PLCXD3: variants seen among roughly 807,000 people sequenced by gnomAD.
The protein encoded by PLCXD3 is phosphatidylinositol specific phospholipase C X domain containing 3.
PLCXD3 carries 19 observed loss-of-function variants against 25.5 expected under a neutral mutation model. That is an observed-to-expected ratio of 0.75 (90% CI 0.52 to 1.09). The LOEUF (loss-of-function observed/expected upper bound fraction) is 1.09, where lower values mean the gene tolerates loss of function less well. Ranked by LOEUF, PLCXD3 falls within the 50% of genes least tolerant of loss-of-function variation. The pLI is 0.00. For missense variants in PLCXD3, 411 were observed against 388.1 expected (o/e 1.06, Z -0.50); for synonymous variants, 174 against 137.6 (o/e 1.26, Z -1.85).
chr5:41,494,097 T>C (rs1050965525), intron 1 of PLCXD3, among the ~76,000 whole-genome samples: 13 of 152,204 alleles, frequency 8.5e-5, no homozygotes, highest in African/African-American at 3.1e-4. Flanking sequence ...CCGGGTTTTA[T>C]TTTTTACTTA....
At chr5:41,339,150 A>G (rs1326974582) in intron 2 of PLCXD3, among the ~76,000 whole-genome samples, 10 of 152,062 alleles carry the variant, frequency 6.6e-5, no homozygotes, top group Non-Finnish European at 1.3e-4. Context: ...GCTAGCATAT[A>G]TATTCTTCTC....
At chr5:41,329,290 T>A (rs940082223) in intron 2 of PLCXD3, among the ~76,000 whole-genome samples, 1 of 152,192 alleles carries the variant, frequency 6.6e-6, no homozygotes, top group Non-Finnish European at 1.5e-5. Context: ...TAGTCAGAAT[T>A]GTAATCGTAT....
At chr5:41,334,827 T>A (rs1743934283) in intron 2 of PLCXD3, among the ~76,000 whole-genome samples, 1 of 152,126 alleles carries the variant, frequency 6.6e-6, no homozygotes, top group Non-Finnish European at 1.5e-5. Context: ...CAAGTCAGGG[T>A]TTCAAAATGA....
intron 2 of PLCXD3, among the ~76,000 whole-genome samples, chr5:41,376,452 A>G (rs1350335155): frequency 6.6e-6 from 1 of 152,088 alleles, no homozygotes; most frequent in African/African-American, 2.4e-5. Context: ...TTCCTAATAT[A>G]TGCCTAATTC....
chr5:41,349,307 G>A (rs1344037800), intron 2 of PLCXD3, among the ~76,000 whole-genome samples: 2 of 152,208 alleles, frequency 1.3e-5, no homozygotes, highest in Non-Finnish European at 2.9e-5. Context: ...GAAGCTATCA[G>A]AAGTTCAAAA....
chr5:41,498,560 G>A (rs1264468693), intron 1 of PLCXD3, among the ~76,000 whole-genome samples: 1 of 151,444 alleles, frequency 6.6e-6, no homozygotes, highest in Non-Finnish European at 1.5e-5. Flanking sequence ...AGAACCAGAT[G>A]GTTTAAAGGT....
intron 1 of PLCXD3, among the ~76,000 whole-genome samples, chr5:41,461,505 G>T (rs1418748651): frequency 6.6e-6 from 1 of 151,950 alleles, no homozygotes; most frequent in African/African-American, 2.4e-5. Context: ...CAAAACCATG[G>T]TGGTTTCCTT....
At chr5:41,339,264 C>T (rs1441458757) in intron 2 of PLCXD3, among the ~76,000 whole-genome samples, 1 of 151,962 alleles carries the variant, frequency 6.6e-6, no homozygotes, top group East Asian at 1.9e-4. Flanking sequence ...AAGAGTGATC[C>T]AAGGGTAGAT....
chr5:41,392,999 T>G (rs1337605058), intron 1 of PLCXD3, among the ~76,000 whole-genome samples: 1 of 152,148 alleles, frequency 6.6e-6, no homozygotes, highest in Non-Finnish European at 1.5e-5. Flanking sequence ...GAAGACAAGC[T>G]ACTTGAAAGT....
At chr5:41,493,987 C>T (rs770726264) in intron 1 of PLCXD3, among the ~76,000 whole-genome samples, 12 of 152,212 alleles carry the variant, frequency 7.9e-5, no homozygotes, top group Non-Finnish European at 1.3e-4. Context: ...AGATGAACCT[C>T]GTACCTCAGA....
intron 1 of PLCXD3, among the ~76,000 whole-genome samples, chr5:41,432,420 G>C (rs974970342): frequency 2.0e-5 from 3 of 152,052 alleles, no homozygotes; most frequent in African/African-American, 7.3e-5. Context: ...GCAGATAAAG[G>C]AAAGTAAGAA....
At chr5:41,385,574 T>G (rs1259909849) in intron 1 of PLCXD3, among the ~76,000 whole-genome samples, 1 of 152,082 alleles carries the variant, frequency 6.6e-6, no homozygotes, top group Non-Finnish European at 1.5e-5. Context: ...TCAGGCACTG[T>G]GGGAAGCACA....
rs1293489884 is a variant in PLCXD3, at chr5:41,465,361, T to A, written c.103+45063A>T. Among the ~76,000 whole-genome samples the A allele has an allele frequency of 1.0e-3, 134 of 133,002 alleles. 1 individual carries two copies. Among genetic ancestry groups the A allele is most frequent in the African/African-American group, 3.3e-3 (115 of 35,262 alleles). The allele number at this position is 133,002 out of a possible 152,430, so 87.3% of individuals were successfully genotyped here. A position where few individuals can be genotyped will look rare whatever the true frequency, so the allele number is the denominator to read the frequency against. On this transcript the variant is annotated intron_variant, in intron 1 of 2. Transcript: ENST00000377801. ...TCCCCACTAGTTCTTGTCTTTTTTT[T>A]TTTTTTTTTTTTTTTTTTTTTTTTT...
Position 41,382,317 on chromosome 5 carries a change from G to A in PLCXD3, c.321C>T (p.Asp107=), listed in dbSNP as rs752338054. 2 of 1,613,428 alleles carry A rather than the reference G, an allele frequency of 1.2e-6. No homozygotes were observed. Among genetic ancestry groups the A allele is most frequent in the African/African-American group, 1.3e-5 (1 of 74,854 alleles). The change falls in exon 2 of 3, where the codon GAC becomes GAT. Residue 107 remains aspartate, a synonymous_variant. Transcript: ENST00000377801. Reference sequence around the variant, plus strand: ...AACCATGAGCAAAATAGAGTTCATTGTCGGGGTCTCTGGGCTTGGTGGAAA... The same window carrying A: ...AACCATGAGCAAAATAGAGTTCATTATCGGGGTCTCTGGGCTTGGTGGAAA... ...LRISTKPRDP[D]NELYFAHGLF... is the part of the protein sequence containing the mutation.
chr5:41,448,871 C>G (rs1412061851), intron 1 of PLCXD3, among the ~76,000 whole-genome samples: 1 of 152,164 alleles, frequency 6.6e-6, no homozygotes, highest in Non-Finnish European at 1.5e-5. Context: ...TCTTCTTAAC[C>G]TTGGTCCAAT....
At chr5:41,403,140 T>C (rs1318675646) in intron 1 of PLCXD3, among the ~76,000 whole-genome samples, 1 of 152,006 alleles carries the variant, frequency 6.6e-6, no homozygotes, top group Non-Finnish European at 1.5e-5. Flanking sequence ...ACCTTCGGCC[T>C]AGTAGCTAGA....
intron 1 of PLCXD3, among the ~76,000 whole-genome samples, chr5:41,492,717 C>T (rs1312819919): frequency 1.3e-5 from 2 of 152,238 alleles, no homozygotes; most frequent in African/African-American, 4.8e-5. Context: ...TTCCAGTTGA[C>T]CGCATCAGCT....
At chr5:41,315,850 A>G (rs887194415) in intron 2 of PLCXD3, among the ~76,000 whole-genome samples, 3 of 152,228 alleles carry the variant, frequency 2.0e-5, no homozygotes, top group African/African-American at 4.8e-5. Flanking sequence ...CACAGGGAAT[A>G]TTTAAACCAG....
At position 41,440,249 on chromosome 5, in the gene PLCXD3, T is replaced by TTTTTTTTTTTTTTTG. The variant is rs751131624; in HGVS notation, c.104-57716_104-57715insCAAAAAAAAAAAAAA. 2.5e-3 allele frequency among the ~76,000 whole-genome samples: 252 copies of TTTTTTTTTTTTTTTG among 100,374 alleles called. 34 individuals are homozygous for TTTTTTTTTTTTTTTG. The highest frequency in any genetic ancestry group is 5.0e-3 in the Middle Eastern group (1 of 200). The allele number at this position is 100,374 out of a possible 152,430, so 65.8% of individuals were successfully genotyped here. A position where few individuals can be genotyped will look rare whatever the true frequency, so the allele number is the denominator to read the frequency against. On this transcript the variant is annotated intron_variant, in intron 1 of 2. Coordinates refer to ENST00000377801, the MANE Select transcript of PLCXD3 (RefSeq NM_001005473.3). ...TTTTTTTTTTTTTTTTTTTTTTTTT[T>TTTTTTTTTTTTTTTG]TTAGTCAGAGTCTCACTGTGTCACC...
Sources: gnomAD v4.1 joint callset for allele counts (sites outside exome capture counted in the v4.1 genomes callset) on GRCh38, gnomAD v4.1.1 for gene constraint, MANE v1.5 for transcripts, NCBI Gene and HGNC (gene_info 2026-07-23, HGNC 2026-07-21) for gene names.